The following GOLPH3L variants were observed in gnomAD, a reference collection of about 807,000 sequenced individuals.
GOLPH3L encodes the protein Golgi phosphoprotein 3-like.
Under a neutral mutation model 30.3 loss-of-function variants are expected in GOLPH3L, and 22 were observed. The observed-to-expected ratio is 0.73, with a 90% confidence interval of 0.52 to 1.04. The LOEUF (loss-of-function observed/expected upper bound fraction) is 1.04. GOLPH3L is among the 50% of genes least tolerant of loss of function. The pLI is 0.00. For missense variants in GOLPH3L, 303 were observed against 345.8 expected (o/e 0.88, Z 0.98); for synonymous variants, 120 against 128.2 (o/e 0.94, Z 0.43).
intron 2 of GOLPH3L, among the ~76,000 whole-genome samples, chr1:150,683,960 C>T (rs182760324): frequency 6.6e-6 from 1 of 152,188 alleles, no homozygotes; most frequent in Admixed American, 6.6e-5. Context: ...ACCCCCATTA[C>T]CTCAGAATAC....
At chr1:150,675,604 G>A (rs1326366145) in intron 2 of GOLPH3L, among the ~76,000 whole-genome samples, 6 of 151,316 alleles carry the variant, frequency 4.0e-5, no homozygotes, top group South Asian at 2.1e-4. Context: ...TTGAAACCCC[G>A]TCTCTACTAA....
chr1:150,678,364 T>TG (rs587624838), intron 2 of GOLPH3L, among the ~76,000 whole-genome samples: 7 of 150,868 alleles, frequency 4.6e-5, no homozygotes, highest in Admixed American at 2.6e-4. Flanking sequence ...ATTAAGAGGT[T>TG]GGGGTCATTT....
Position 150,688,473 on chromosome 1 carries a change from G to A in GOLPH3L, c.183+6183C>T, listed in dbSNP as rs114251145. Among the ~76,000 whole-genome samples the A allele has an allele frequency of 5.9e-3, 896 of 152,128 alleles. 13 individuals are homozygous for A. Among genetic ancestry groups the A allele is most frequent in the African/African-American group, 0.02 (821 of 41,504 alleles). On this transcript the variant is annotated intron_variant, in intron 2 of 4. Coordinates refer to ENST00000271732, the MANE Select transcript of GOLPH3L (RefSeq NM_018178.6). ...CAGTTAAGAGTTATTACCTCCTGGC[G>A]GGGCGCAGTGGCTCACACCTGTAAT...
At chr1:150,678,306 A>G (rs867127388) in intron 2 of GOLPH3L, among the ~76,000 whole-genome samples, 22 of 150,882 alleles carry the variant, frequency 1.5e-4, no homozygotes, top group African/African-American at 5.1e-4. Flanking sequence ...AAAAAAAAAA[A>G]AGGACAAATG....
At chr1:150,653,641 A>T (rs1042015422) in intron 4 of GOLPH3L, among the ~76,000 whole-genome samples, 2 of 151,764 alleles carry the variant, frequency 1.3e-5, no homozygotes, top group African/African-American at 4.8e-5. Context: ...TATGTTTTGT[A>T]GAGATGAGGT....
intron 4 of GOLPH3L, among the ~76,000 whole-genome samples, chr1:150,649,722 A>C (rs1341513505): frequency 2.0e-5 from 3 of 152,154 alleles, no homozygotes; most frequent in African/African-American, 7.2e-5. Flanking sequence ...TAGATCTATC[A>C]AAAAAGGGTG....
intron 2 of GOLPH3L, among the ~76,000 whole-genome samples, chr1:150,685,344 T>C (rs989626639): frequency 2.0e-5 from 3 of 152,218 alleles, no homozygotes; most frequent in African/African-American, 4.8e-5. Flanking sequence ...GGATAAGACC[T>C]GAAAAATAAC....
intron 3 of GOLPH3L, 52 bp downstream of exon 3, chr1:150,663,580 T>G: frequency 6.7e-7 from 1 of 1,503,208 alleles, no homozygotes; most frequent in Non-Finnish European, 9.1e-7. Context: ...CCAAATGTAC[T>G]GTTGGTATTT....
intron 2 of GOLPH3L, among the ~76,000 whole-genome samples, chr1:150,668,571 T>TG (rs1650569543): frequency 6.6e-6 from 1 of 152,042 alleles, no homozygotes; most frequent in African/African-American, 2.4e-5. Flanking sequence ...TTAGTAGAGA[T>TG]GGGGTTTTGC....
intron 1 of GOLPH3L, among the ~76,000 whole-genome samples, 161 bp downstream of exon 1, chr1:150,696,831 T>C (rs956811558): frequency 1.3e-5 from 2 of 152,076 alleles, no homozygotes; most frequent in African/African-American, 4.8e-5. Context: ...AGAAATTAGT[T>C]TCATCTGCAC....
chr1:150,672,499 T>C (rs1650669442), intron 2 of GOLPH3L, among the ~76,000 whole-genome samples: 1 of 152,154 alleles, frequency 6.6e-6, no homozygotes, highest in African/African-American at 2.4e-5. Context: ...GGCACAATCA[T>C]GGCTCACTGC....
chr1:150,659,773 C>A (rs959231315), intron 4 of GOLPH3L, among the ~76,000 whole-genome samples: 1 of 152,212 alleles, frequency 6.6e-6, no homozygotes. Flanking sequence ...TGGCTCATGC[C>A]TGTAATCCCA....
At chr1:150,691,124 T>C (rs1651201014) in intron 2 of GOLPH3L, among the ~76,000 whole-genome samples, 1 of 151,004 alleles carries the variant, frequency 6.6e-6, no homozygotes, top group Admixed American at 6.6e-5. Flanking sequence ...TGAAAACCCT[T>C]CCCTACTAAG....
chr1:150,666,966 G>C (rs968581295), intron 2 of GOLPH3L, among the ~76,000 whole-genome samples: 2 of 152,128 alleles, frequency 1.3e-5, no homozygotes, highest in African/African-American at 2.4e-5. Context: ...GAATTTACGA[G>C]ATTCTGGAGG....
chr1:150,696,221 C>T (rs933397673), intron 1 of GOLPH3L, among the ~76,000 whole-genome samples: 1 of 152,108 alleles, frequency 6.6e-6, no homozygotes, highest in African/African-American at 2.4e-5. Flanking sequence ...TTTCTTTCTG[C>T]TTCTGCTCCT....
In GOLPH3L at chr1:150,648,177, C is replaced by G. The variant is rs1340536106; in HGVS notation, c.*144G>C. 1.6e-6 allele frequency: 1 copy of G among 616,800 alleles called. No homozygotes were observed. Among genetic ancestry groups the G allele is most frequent in the Non-Finnish European group, 2.8e-6 (1 of 352,156 alleles). The allele number at this position is 616,800 out of a possible 1,614,324, so 38.2% of individuals were successfully genotyped here. A position where few individuals can be genotyped will look rare whatever the true frequency, so the allele number is the denominator to read the frequency against. ...AATGGTCAAGGTCTATGGAGAAGCC[C>G]TGAAGTTGCTCTCCCCAAATCACAA... On this transcript the variant is annotated 3_prime_UTR_variant, in exon 5 of 5. Transcript: ENST00000271732.
chr1:150,677,721 G>C (rs1159619286), intron 2 of GOLPH3L, among the ~76,000 whole-genome samples: 2 of 150,598 alleles, frequency 1.3e-5, no homozygotes, highest in Non-Finnish European at 2.9e-5. Flanking sequence ...TACTTCTCGA[G>C]CTCAAGCAAT....
At chr1:150,677,225 C>T (rs906111768) in intron 2 of GOLPH3L, among the ~76,000 whole-genome samples, 2 of 151,896 alleles carry the variant, frequency 1.3e-5, no homozygotes, top group African/African-American at 2.4e-5. Context: ...CATGAGCCAC[C>T]GTGCCTGGCC....
chr1:150,680,973 C>T (rs587775528), intron 2 of GOLPH3L, among the ~76,000 whole-genome samples: 1 of 152,122 alleles, frequency 6.6e-6, no homozygotes, highest in East Asian at 1.9e-4. Context: ...AACCCTGTCT[C>T]TACTGAAAAT....
Sources: allele counts gnomAD v4.1 joint callset (sites outside exome capture counted in the v4.1 genomes callset), GRCh38; gene constraint gnomAD v4.1.1; transcripts MANE v1.5; gene names NCBI Gene and HGNC (gene_info 2026-07-23, HGNC 2026-07-21).